The following UBE2G1 variants were observed in gnomAD, a reference collection of about 807,000 sequenced individuals.
The protein encoded by UBE2G1 is ubiquitin-conjugating enzyme E2 G1.
Under a neutral mutation model 22.7 loss-of-function variants are expected in UBE2G1, and 5 were observed. The ratio of observed to expected loss-of-function variants is 0.22; its 90% confidence interval spans 0.12 to 0.46. UBE2G1 has a LOEUF of 0.46. Ranked by LOEUF, UBE2G1 falls within the 20% of genes least tolerant of loss-of-function variation. The probability of loss-of-function intolerance (pLI) is 0.99; values close to 1 mark genes in which losing one functional copy is unlikely to be tolerated. For synonymous variants in UBE2G1, 74 were observed against 67.5 expected, an observed-to-expected ratio of 1.10 and a Z score of -0.47; for missense variants, 88 against 203.9, an observed-to-expected ratio of 0.43 and a Z score of 3.46.
intron 2 of UBE2G1, among the ~76,000 whole-genome samples, chr17:4,302,983 A>G (rs1969202593): frequency 1.3e-5 from 2 of 152,212 alleles, no homozygotes; most frequent in African/African-American, 4.8e-5. Context: ...AGAACAGTGA[A>G]AACAGAAAAA....
At position 4,366,579 on chromosome 17, in the gene UBE2G1, G is replaced by C. The variant is rs1396089729; in HGVS notation, c.-263C>G. 2.6e-6 allele frequency: 1 copy of C among 378,582 alleles called. No individual in the cohort carries two copies. Among genetic ancestry groups the C allele is most frequent in the Non-Finnish European group, 4.7e-6 (1 of 211,196 alleles). The allele number at this position is 378,582 out of a possible 1,614,324, so 23.5% of individuals were successfully genotyped here. Reference sequence around the variant, plus strand: ...GCGCGCACTGGGACTTCGCTCGCCCGCTTCCCTCCTTCAACCCGCCCGTCG... The same window carrying C: ...GCGCGCACTGGGACTTCGCTCGCCCCCTTCCCTCCTTCAACCCGCCCGTCG... On this transcript the variant is annotated 5_prime_UTR_variant, in exon 1 of 6. Coordinates refer to ENST00000396981, the MANE Select transcript of UBE2G1 (RefSeq NM_003342.5).
At chr17:4,342,681 G>A (rs1211614187) in intron 1 of UBE2G1, among the ~76,000 whole-genome samples, 2 of 152,148 alleles carry the variant, frequency 1.3e-5, no homozygotes, top group African/African-American at 4.8e-5. Context: ...CTCCAATACA[G>A]GTCCAAGCTA....
At chr17:4,343,004 T>G (rs1316444479) in intron 1 of UBE2G1, among the ~76,000 whole-genome samples, 1 of 152,182 alleles carries the variant, frequency 6.6e-6, no homozygotes. Context: ...CTTTCCCCGC[T>G]TTATTTTCTC....
intron 5 of UBE2G1, among the ~76,000 whole-genome samples, chr17:4,275,058 C>T (rs763193011): frequency 1.7e-4 from 26 of 151,822 alleles, no homozygotes; most frequent in Non-Finnish European, 1.2e-4. Flanking sequence ...CAGGGGAGGA[C>T]GCCACTGCAC....
chr17:4,285,793 T>C (rs1009362405), intron 4 of UBE2G1, among the ~76,000 whole-genome samples: 2 of 151,552 alleles, frequency 1.3e-5, no homozygotes, highest in East Asian at 3.9e-4. Context: ...CTACTAAAAA[T>C]ACAAAAAAAT....
intron 1 of UBE2G1, among the ~76,000 whole-genome samples, chr17:4,346,822 T>C (rs1290043816): frequency 6.6e-6 from 1 of 152,052 alleles, no homozygotes; most frequent in East Asian, 1.9e-4. Context: ...GCTGAGTATC[T>C]ATATATGCCC....
chr17:4,302,580 C>A, intron 2 of UBE2G1: 1 of 390,196 alleles, frequency 2.6e-6, no homozygotes, highest in Non-Finnish European at 5.1e-6. Context: ...TTCTTCATTG[C>A]CTGTGATTCT....
chr17:4,342,031 T>C (rs879404793), intron 1 of UBE2G1, among the ~76,000 whole-genome samples: 1 of 152,196 alleles, frequency 6.6e-6, no homozygotes, highest in African/African-American at 2.4e-5. Flanking sequence ...ATTGAGCCCA[T>C]CCAACTTCAT....
At chr17:4,305,158 TTGGTCAGGCTGGTCTC>T (rs1969235073) in intron 2 of UBE2G1, among the ~76,000 whole-genome samples, 2 of 152,264 alleles carry the variant, frequency 1.3e-5, no homozygotes, top group South Asian at 2.1e-4. Context: ...TTTCTCCATG[TTGGTCAGGCTGGTCTC>T]CAACTCTCGA....
chr17:4,290,201 G>A (rs1052613266), intron 3 of UBE2G1, among the ~76,000 whole-genome samples: 9 of 151,926 alleles, frequency 5.9e-5, no homozygotes, highest in African/African-American at 1.7e-4. Flanking sequence ...TTTACCCACC[G>A]TAAATTTTTT....
intron 1 of UBE2G1, among the ~76,000 whole-genome samples, chr17:4,324,777 T>C (rs1013645077): frequency 3.9e-5 from 6 of 152,114 alleles, no homozygotes; most frequent in African/African-American, 1.4e-4. Context: ...TAGGATACTC[T>C]ATTTAACAAC....
chr17:4,310,988 A>G (rs1292081964), intron 1 of UBE2G1, among the ~76,000 whole-genome samples: 1 of 152,168 alleles, frequency 6.6e-6, no homozygotes, highest in East Asian at 1.9e-4. Context: ...AGGTGGGCAG[A>G]TCGTTTGAGC....
chr17:4,354,269 C>T (rs1295943997), intron 1 of UBE2G1, among the ~76,000 whole-genome samples: 1 of 152,158 alleles, frequency 6.6e-6, no homozygotes, highest in African/African-American at 2.4e-5. Flanking sequence ...AACCCTAAAG[C>T]AGCTGTATTA....
At chr17:4,342,890 G>A (rs749594898) in intron 1 of UBE2G1, among the ~76,000 whole-genome samples, 2 of 152,062 alleles carry the variant, frequency 1.3e-5, no homozygotes, top group African/African-American at 4.8e-5. Context: ...CTGCTCCTCT[G>A]ACATTGCCAG....
intron 1 of UBE2G1, among the ~76,000 whole-genome samples, chr17:4,329,920 G>A (rs1969551650): frequency 4.0e-5 from 6 of 151,314 alleles, no homozygotes; most frequent in South Asian, 2.1e-4. Context: ...GTTCCTAATC[G>A]AATTAAGCCA....
intron 1 of UBE2G1, among the ~76,000 whole-genome samples, chr17:4,354,724 A>G (rs1037590385): frequency 1.3e-5 from 2 of 152,148 alleles, no homozygotes; most frequent in Non-Finnish European, 2.9e-5. Flanking sequence ...TGAACCCAGT[A>G]GTTCAAGACC....
chr17:4,289,130 C>G, intron 4 of UBE2G1, 100 bp downstream of exon 4: 1 of 871,202 alleles, frequency 1.1e-6, no homozygotes, highest in Non-Finnish European at 1.6e-6. Context: ...CACACACACA[C>G]GCATGCATAC....
chr17:4,354,226 A>T (rs2143821714), intron 1 of UBE2G1, among the ~76,000 whole-genome samples: 1 of 152,298 alleles, frequency 6.6e-6, no homozygotes, highest in Non-Finnish European at 1.5e-5. Context: ...AGACTGGTAG[A>T]AGCCAGCTTC....
At chr17:4,330,045 G>T (rs1969552694) in intron 1 of UBE2G1, among the ~76,000 whole-genome samples, 1 of 152,054 alleles carries the variant, frequency 6.6e-6, no homozygotes, top group Admixed American at 6.5e-5. Flanking sequence ...ATGAGTTATT[G>T]CATCTACAAA....
Sources: allele counts gnomAD v4.1 joint callset (sites outside exome capture counted in the v4.1 genomes callset), GRCh38; gene constraint gnomAD v4.1.1; transcripts MANE v1.5; gene names NCBI Gene and HGNC (gene_info 2026-07-23, HGNC 2026-07-21).